The following SGTA variants were observed in gnomAD, a reference collection of about 807,000 sequenced individuals.
SGTA encodes the protein small glutamine rich tetratricopeptide repeat co-chaperone alpha.
Under a neutral mutation model 44.3 loss-of-function variants are expected in SGTA, and 22 were observed. The observed-to-expected ratio is 0.50, with a 90% CI of 0.36 to 0.71. The LOEUF (loss-of-function observed/expected upper bound fraction) is 0.71. SGTA is among the 30% of genes least tolerant of loss of function. The pLI is 0.00. For missense variants in SGTA, 341 were observed against 435.9 expected (o/e 0.78, Z 1.94); for synonymous variants, 174 against 177.6 (o/e 0.98, Z 0.16).
At chr19:2,762,703 C>T in intron 6 of SGTA, 59 bp from the exon 7 acceptor site, 1 of 1,599,312 alleles carries the variant, frequency 6.3e-7, no homozygotes, top group Non-Finnish European at 8.5e-7. Flanking sequence ...GAGGCCCCGC[C>T]AAAGCCCTCG....
At position 2,755,655 on chromosome 19, in the gene SGTA, A is replaced by G; in HGVS notation, c.*285T>C. ...CGGGAGCACCCCAGGATTCTAGAAA[A>G]CACTCAAGTGACCGAGCTTTCTGGG... On this transcript the variant is annotated 3_prime_UTR_variant, in exon 12 of 12. Transcript: ENST00000221566. This position sits in a 1 kb window ranked among gnomAD's most constrained non-coding sequence, Gnocchi z 5.2. The G allele has an allele frequency of 1.0e-6, 1 of 985,482 alleles. No individual in the cohort carries two copies. Among genetic ancestry groups the G allele is most frequent in the Non-Finnish European group, 1.2e-6 (1 of 829,966 alleles). The allele number at this position is 985,482 out of a possible 1,614,324, so 61.0% of individuals were successfully genotyped here.
Position 2,776,921 on chromosome 19 carries a change from C to CTA in SGTA, c.-24+6311_-24+6312insTA, listed in dbSNP as rs375375976. On this transcript the variant is annotated intron_variant, in intron 1 of 11. Transcript: ENST00000221566. The stretch of plus-strand genomic sequence containing the variant: ...GAGGCTGCAGTGAGCTGCGATAGAG[C>CTA]CACTGCACTCCAGCCTGGGTGGCAG... 3.0e-4 allele frequency among the ~76,000 whole-genome samples: 45 copies of CTA among 151,746 alleles called. 1 individual carries two copies. In the East Asian group the frequency reaches 8.7e-3, roughly 29 times the overall value.
chr19:2,757,381 G>A lies in SGTA; in HGVS notation c.904C>T (p.Arg302Trp), dbSNP rs1568306560. The A allele has an allele frequency of 8.7e-6, 14 of 1,606,546 alleles. No individual in the cohort carries two copies. Among genetic ancestry groups the A allele is most frequent in the South Asian group, 7.7e-5 (7 of 91,086 alleles). ...IEQLRSQIRSRTPSASNDDQQ... is the reference protein window; with the variant it reads ...IEQLRSQIRSWTPSASNDDQQ... ...TCGTCGTTGCTGGCGCTGGGCGTCC[G>A]ACTCCGGATCTGGCTCCTGAGCTGC... Residue 302 changes from arginine to tryptophan, a missense_variant, in exon 11 of 12, where the codon CGG (arginine) becomes TGG (tryptophan). Coordinates refer to ENST00000221566, the MANE Select transcript of SGTA (RefSeq NM_003021.4).
intron 8 of SGTA, among the ~76,000 whole-genome samples, chr19:2,760,921 A>ATG (rs1914971723): frequency 6.6e-6 from 1 of 152,246 alleles, no homozygotes; most frequent in Admixed American, 6.5e-5. Flanking sequence ...GGAAATGAAC[A>ATG]TGTGTGTGTG....
chr19:2,766,728 G>A (rs1346232768), intron 4 of SGTA, among the ~76,000 whole-genome samples: 11 of 152,056 alleles, frequency 7.2e-5, no homozygotes, highest in Admixed American at 3.9e-4. Context: ...GAGCCACCGC[G>A]CCCGGCCTCT....
At chr19:2,780,343 C>T (rs2041605) in intron 1 of SGTA, among the ~76,000 whole-genome samples, 4,796 of 152,202 alleles carry the variant, frequency 0.032, 245 homozygotes, top group African/African-American at 0.11. Flanking sequence ...TCTTAGGATA[C>T]CCGAGTTCTA....
chr19:2,759,240 AC>A lies in SGTA; in HGVS notation c.737+16del. ...TTTAACCACAACAAGACCCGAAGAA[AC>A]CCGGTTGTCACTTACAGCTGCTGAA... On this transcript the variant is annotated intron_variant, in intron 9 of 11. Coordinates refer to ENST00000221566, the MANE Select transcript of SGTA (RefSeq NM_003021.4). 1 of 1,613,004 alleles carries A rather than the reference AC, an allele frequency of 6.2e-7. No homozygotes were observed. Among genetic ancestry groups the A allele is most frequent in the Non-Finnish European group, 8.5e-7 (1 of 1,179,110 alleles).
intron 1 of SGTA, among the ~76,000 whole-genome samples, chr19:2,776,480 C>T (rs1027740347): frequency 2.0e-5 from 3 of 152,194 alleles, no homozygotes; most frequent in African/African-American, 7.2e-5. Context: ...CCCTCCTAGG[C>T]GGTCCCTAGA....
chr19:2,774,768 C>G (rs1025698947), intron 1 of SGTA, among the ~76,000 whole-genome samples: 3 of 152,186 alleles, frequency 2.0e-5, no homozygotes, highest in African/African-American at 7.2e-5. Flanking sequence ...AGGTGTGAGC[C>G]ACCATACCCG....
At position 2,765,771 on chromosome 19, in the gene SGTA, G is replaced by A. The variant is rs1051711790; in HGVS notation, c.293-486C>T. On this transcript the variant is annotated intron_variant, in intron 4 of 11. Coordinates refer to ENST00000221566, the MANE Select transcript of SGTA (RefSeq NM_003021.4). The surrounding 1 kb of genome is among the most constrained non-coding windows in gnomAD (Gnocchi z 5.5). ...AGCTGGTAGGACGGTAAAAACCCCA[G>A]CTGCTATCCTAGAACTGAGAGCCCT... 5.3e-5 allele frequency among the ~76,000 whole-genome samples: 8 copies of A among 152,140 alleles called. No homozygotes were observed. Among genetic ancestry groups the A allele is most frequent in the African/African-American group, 1.7e-4 (7 of 41,422 alleles).
rs541483276 is a variant in SGTA at position 2,767,738 on chromosome 19, C to T, written c.101-52G>A. 9.3e-5 allele frequency: 135 copies of T among 1,445,350 alleles called. No individual in the cohort carries two copies. Among genetic ancestry groups the T allele is most frequent in the South Asian group, 4.2e-4 (37 of 87,286 alleles). 89.5% of individuals were successfully genotyped at this position (1,445,350 alleles called of 1,614,324 possible). A position where few individuals can be genotyped will look rare whatever the true frequency, so the allele number is the denominator to read the frequency against. ...TTCATTGCACGCAGCCCCGAGGTTACGTTTTTGGGTCTAGAGGGCGGGGTT... is the reference window on the plus strand; with the variant it reads ...TTCATTGCACGCAGCCCCGAGGTTATGTTTTTGGGTCTAGAGGGCGGGGTT... On this transcript the variant is annotated intron_variant, in intron 2 of 11. Coordinates refer to ENST00000221566, the MANE Select transcript of SGTA (RefSeq NM_003021.4). The surrounding 1 kb of genome is among the most constrained non-coding windows in gnomAD (Gnocchi z 7.3).
chr19:2,757,605 C>T (rs1599495380), intron 10 of SGTA, 88 bp downstream of exon 10: 1 of 1,444,504 alleles, frequency 6.9e-7, no homozygotes, highest in African/African-American at 1.4e-5. Flanking sequence ...GCAGGGGACG[C>T]AGCACTTTCG....
chr19:2,782,949 C>T (rs971253623), intron 1 of SGTA, among the ~76,000 whole-genome samples: 1 of 152,186 alleles, frequency 6.6e-6, no homozygotes, highest in Non-Finnish European at 1.5e-5. Flanking sequence ...ACCCAGCGAG[C>T]GCTCACTACA....
chr19:2,777,127 T>G (rs556521381), intron 1 of SGTA, among the ~76,000 whole-genome samples: 5 of 151,684 alleles, frequency 3.3e-5, no homozygotes, highest in African/African-American at 1.2e-4. Flanking sequence ...GGTGCGCGCC[T>G]GTAATCCCAG....
chr19:2,767,000 C>A (rs1463797326), intron 4 of SGTA, 136 bp downstream of exon 4: 7 of 716,570 alleles, frequency 9.8e-6, no homozygotes, highest in Non-Finnish European at 1.8e-5. Flanking sequence ...CCCGTCCCCA[C>A]AAGCCAGCGT....
chr19:2,762,250 G>A lies in SGTA; in HGVS notation c.636+256C>T, dbSNP rs141910739. Among the ~76,000 whole-genome samples the A allele has an allele frequency of 5.3e-5, 8 of 152,228 alleles. No individual in the cohort carries two copies. In the East Asian group the frequency reaches 1.2e-3, roughly 22 times the overall value. On this transcript the variant is annotated intron_variant, in intron 7 of 11. Coordinates refer to ENST00000221566, the MANE Select transcript of SGTA (RefSeq NM_003021.4). ...CCGGCCTCGCCACAAAACCCACATC[G>A]AGGGTCCTTTCTGTGCCCCTCCCTC...
At chr19:2,764,185 A>G (rs1915077095) in intron 5 of SGTA, among the ~76,000 whole-genome samples, 1 of 152,150 alleles carries the variant, frequency 6.6e-6, no homozygotes, top group African/African-American at 2.4e-5. Context: ...TTCTCTTTAC[A>G]ATTTTTTCAA....
intron 2 of SGTA, among the ~76,000 whole-genome samples, chr19:2,768,408 C>T (rs1408267746): frequency 6.6e-6 from 1 of 152,168 alleles, no homozygotes; most frequent in African/African-American, 2.4e-5. Flanking sequence ...CACAGGTGAG[C>T]GAGGCATAGG....
chr19:2,776,296 G>A (rs1013979817), intron 1 of SGTA, among the ~76,000 whole-genome samples: 3 of 152,260 alleles, frequency 2.0e-5, no homozygotes, highest in African/African-American at 7.2e-5. Context: ...AAAGCAAACA[G>A]CCCAAGTGTC....
Sources: gnomAD v4.1 joint callset for allele counts (sites outside exome capture counted in the v4.1 genomes callset) on GRCh38, gnomAD v4.1.1 for gene constraint, Gnocchi (gnomAD v3.1) non-coding constraint, MANE v1.5 for transcripts, NCBI Gene and HGNC (gene_info 2026-07-23, HGNC 2026-07-21) for gene names.